The following ROBO1 variants were observed in gnomAD, a reference collection of about 807,000 sequenced individuals.
ROBO1 encodes the protein roundabout guidance receptor 1, also known as roundabout homolog 1.
ROBO1 carries 149 observed loss-of-function variants against 195.9 expected under a neutral mutation model. That is an observed-to-expected ratio of 0.76 (90% confidence interval 0.67 to 0.87). The LOEUF (loss-of-function observed/expected upper bound fraction) is 0.87, where lower values mean the gene tolerates loss of function less well. ROBO1 is among the 40% of genes least tolerant of loss of function. ROBO1 has a pLI of 0.00. For missense variants in ROBO1, 1,933 were observed against 2,068.3 expected, an observed-to-expected ratio of 0.93 and a Z score of 1.27; for synonymous variants, 816 against 733.2, an observed-to-expected ratio of 1.11 and a Z score of -1.82.
At chr3:79,499,135 C>T (rs1375107720) in intron 2 of ROBO1, among the ~76,000 whole-genome samples, 2 of 152,108 alleles carry the variant, frequency 1.3e-5, no homozygotes, top group Admixed American at 6.5e-5. Flanking sequence ...CCTGAGATTA[C>T]AGGCACGCAC....
intron 2 of ROBO1, among the ~76,000 whole-genome samples, chr3:79,479,789 G>C (rs1326830402): frequency 6.6e-6 from 1 of 152,066 alleles, no homozygotes; most frequent in East Asian, 1.9e-4. Context: ...ATTATAATTA[G>C]TCTTCTGGAA....
At chr3:79,583,816 A>T (rs976398864) in intron 2 of ROBO1, among the ~76,000 whole-genome samples, 1 of 152,128 alleles carries the variant, frequency 6.6e-6, no homozygotes, top group South Asian at 2.1e-4. Context: ...TGTGAATTGC[A>T]TGTGCACATA....
chr3:79,053,245 C>T lies in ROBO1; in HGVS notation c.172+72211G>A, dbSNP rs557237640. 6.4e-4 allele frequency among the ~76,000 whole-genome samples: 97 copies of T among 152,114 alleles called. 1 individual carries two copies. The highest frequency in any genetic ancestry group is 2.2e-3 in the African/African-American group (91 of 41,530). On this transcript the variant is annotated intron_variant, in intron 3 of 30. Coordinates refer to ENST00000464233, the MANE Select transcript of ROBO1 (RefSeq NM_002941.4). Reference sequence around the variant, plus strand: ...CCTCCACCTCTTCCTCAACCTTCCTCTCCCACACGGCCTTTGTTAGCTGAT... The same window carrying T: ...CCTCCACCTCTTCCTCAACCTTCCTTTCCCACACGGCCTTTGTTAGCTGAT...
intron 3 of ROBO1, among the ~76,000 whole-genome samples, chr3:79,034,987 T>A (rs538057390): frequency 6.6e-6 from 1 of 152,078 alleles, no homozygotes; most frequent in African/African-American, 2.4e-5. Context: ...ACTATTTAAG[T>A]TTTACAGCAT....
intron 3 of ROBO1, among the ~76,000 whole-genome samples, chr3:79,104,316 A>G (rs997692477): frequency 8.6e-5 from 13 of 151,854 alleles, no homozygotes; most frequent in African/African-American, 2.7e-4. Flanking sequence ...CTGAATTAGT[A>G]GAAACTACCT....
rs1004351701 is a variant in ROBO1 at position 79,481,471 on chromosome 3, C to G, written c.88+108353G>C. ...GGAGCTCTTTTGTGACTATTATTTA[C>G]ATTACAAAACACTGGCCTGCTTCAA... On this transcript the variant is annotated intron_variant, in intron 2 of 30. Transcript: ENST00000464233. 3.3e-5 allele frequency among the ~76,000 whole-genome samples: 5 copies of G among 152,274 alleles called. No individual in the cohort carries two copies. In the East Asian group the frequency reaches 9.6e-4, roughly 29 times the overall value.
chr3:79,764,956 C>A (rs1260608833), intron 1 of ROBO1, among the ~76,000 whole-genome samples: 2 of 152,180 alleles, frequency 1.3e-5, no homozygotes, highest in African/African-American at 2.4e-5. Flanking sequence ...TCCTCCCATG[C>A]TCAGCTCAGT....
chr3:78,647,028 T>C (rs1330954688), intron 20 of ROBO1, among the ~76,000 whole-genome samples: 1 of 152,042 alleles, frequency 6.6e-6, no homozygotes, highest in Non-Finnish European at 1.5e-5. Flanking sequence ...GAGAGATAAC[T>C]GCTCCCAGTG....
At chr3:79,302,451 T>C (rs1262070311) in intron 2 of ROBO1, among the ~76,000 whole-genome samples, 7 of 152,220 alleles carry the variant, frequency 4.6e-5, no homozygotes, top group Non-Finnish European at 1.0e-4. Context: ...ATTATTTTAC[T>C]AAATTGAAAT....
chr3:79,554,123 ATAATC>A (rs1186106874), intron 2 of ROBO1, among the ~76,000 whole-genome samples: 1 of 152,046 alleles, frequency 6.6e-6, no homozygotes, highest in Admixed American at 6.6e-5. Context: ...TTAAAATTAA[ATAATC>A]TAAGGTATCA....
intron 2 of ROBO1, among the ~76,000 whole-genome samples, chr3:79,271,142 A>T (rs914967610): frequency 1.3e-5 from 2 of 151,994 alleles, no homozygotes; most frequent in African/African-American, 4.8e-5. Flanking sequence ...TTTCAAAGCA[A>T]ATTACTCAAC....
intron 3 of ROBO1, among the ~76,000 whole-genome samples, chr3:79,036,625 TA>T (rs1299584351): frequency 2.6e-5 from 4 of 152,218 alleles, no homozygotes; most frequent in African/African-American, 9.6e-5. Flanking sequence ...ACAAGCATAG[TA>T]AAATTATCAG....
At chr3:78,986,140 TGA>T (rs1357144791) in intron 3 of ROBO1, among the ~76,000 whole-genome samples, 3 of 151,946 alleles carry the variant, frequency 2.0e-5, no homozygotes, top group Non-Finnish European at 4.4e-5. Flanking sequence ...TCCAAGAAAA[TGA>T]GAACCCAGAT....
In ROBO1 at chr3:79,261,167, A is replaced by G. The variant is rs533275833; in HGVS notation, c.89-135628T>C. Among the ~76,000 whole-genome samples, 7 of 151,986 alleles carry G rather than the reference A, an allele frequency of 4.6e-5. No individual in the cohort carries two copies. The East Asian group carries it at 1.4e-3, about 29-fold the overall frequency. On this transcript the variant is annotated intron_variant, in intron 2 of 30. Transcript: ENST00000464233. Reference sequence around the variant, plus strand: ...TTATCTGACTTTCAAGGAACATAGTATTTTTTTTGTATATGTTACCTTACT... The same window carrying G: ...TTATCTGACTTTCAAGGAACATAGTGTTTTTTTTGTATATGTTACCTTACT...
chr3:78,788,944 G>A (rs1000436550), intron 4 of ROBO1, among the ~76,000 whole-genome samples: 1 of 152,130 alleles, frequency 6.6e-6, no homozygotes, highest in Non-Finnish European at 1.5e-5. Context: ...GTTGGAGTCA[G>A]GAGTGTAGAA....
intron 2 of ROBO1, among the ~76,000 whole-genome samples, chr3:79,180,153 G>T (rs1015766080): frequency 6.6e-6 from 1 of 152,140 alleles, no homozygotes; most frequent in Non-Finnish European, 1.5e-5. Context: ...TCAATGATCA[G>T]TCTTTAGGAT....
At chr3:79,109,456 T>A (rs1485472489) in intron 3 of ROBO1, among the ~76,000 whole-genome samples, 1 of 151,350 alleles carries the variant, frequency 6.6e-6, no homozygotes, top group Non-Finnish European at 1.5e-5. Flanking sequence ...TTTTTCTGTT[T>A]GTTTTAAATT....
chr3:79,535,679 T>A (rs758908155), intron 2 of ROBO1, among the ~76,000 whole-genome samples: 8 of 152,118 alleles, frequency 5.3e-5, no homozygotes, highest in South Asian at 4.1e-4. Context: ...GTATTTTTTT[T>A]ATGTAATAAA....
At chr3:79,165,828 GAT>G (rs1237995276) in intron 2 of ROBO1, among the ~76,000 whole-genome samples, 1 of 152,192 alleles carries the variant, frequency 6.6e-6, no homozygotes, top group Non-Finnish European at 1.5e-5. Context: ...TTGCTGGGAA[GAT>G]ATTTTATTGA....
Sources: gnomAD v4.1 joint callset for allele counts (sites outside exome capture counted in the v4.1 genomes callset) on GRCh38, gnomAD v4.1.1 for gene constraint, MANE v1.5 for transcripts, NCBI Gene and HGNC (gene_info 2026-07-23, HGNC 2026-07-21) for gene names.